NREP: variants seen among roughly 807,000 people sequenced by gnomAD.
NREP encodes neuronal regeneration-related protein.
In NREP, 5 loss-of-function variants were observed where a neutral mutation model predicts 8.6. The ratio of observed to expected loss-of-function variants is 0.58; its 90% CI spans 0.30 to 1.22. NREP has a LOEUF of 1.22. Ranked by LOEUF, NREP falls within the 50% of genes most tolerant of loss-of-function variation. NREP has a pLI of 0.07. For synonymous variants in NREP, 27 were observed against 28.0 expected (o/e 0.96, Z 0.11); for missense variants, 86 against 82.5 (o/e 1.04, Z -0.17).
upstream of NREP, among the ~76,000 whole-genome samples, chr5:111,761,584 G>A (rs893445148): frequency 6.6e-6 from 1 of 152,126 alleles, no homozygotes; most frequent in Admixed American, 6.5e-5. Context: ...TTATTTTTCT[G>A]TCTTCACCAC....
At chr5:111,757,797 G>C (rs1224691774), upstream of NREP, 7 of 970,206 alleles carry the variant, frequency 7.2e-6, no homozygotes, top group Non-Finnish European at 8.6e-6. Context: ...TCTCCGCCTC[G>C]ACGTGCGGTT....
At chr5:111,930,672 C>T (rs1755512715) in intron 2 of NREP, among the ~76,000 whole-genome samples, 1 of 152,146 alleles carries the variant, frequency 6.6e-6, no homozygotes, top group African/African-American at 2.4e-5. Context: ...AGCTATTTCC[C>T]TCTCTCCTTG....
chr5:111,795,723 C>T (rs1399348427), intron 2 of NREP, among the ~76,000 whole-genome samples: 1 of 152,004 alleles, frequency 6.6e-6, no homozygotes, highest in African/African-American at 2.4e-5. Context: ...GCTAATCTTT[C>T]TAGGGTTAAA....
rs529475135 is a variant in NREP, at chr5:111,843,138, C to T, written c.136-107631G>A. Among the ~76,000 whole-genome samples the T allele has an allele frequency of 8.5e-4, 129 of 152,136 alleles. 1 individual carries two copies. The highest frequency in any genetic ancestry group is 3.1e-3 in the African/African-American group (128 of 41,534). On this transcript the variant is annotated intron_variant, in intron 2 of 3. Coordinates refer to the NREP transcript ENST00000395634. ...ATTTCTTTAAAATGACTTTCTTCCC[C>T]TTTATTTCTCTCTGCTCCTTTTAGG... is the stretch of plus-strand genomic sequence containing the variant.
At chr5:111,836,258 A>G (rs1752891058) in intron 2 of NREP, among the ~76,000 whole-genome samples, 2 of 152,106 alleles carry the variant, frequency 1.3e-5, no homozygotes, top group Admixed American at 1.3e-4. Context: ...CCCTCAAAAC[A>G]GGCAAAGATG....
chr5:111,878,269 A>T (rs1337574918), intron 2 of NREP, among the ~76,000 whole-genome samples: 1 of 152,216 alleles, frequency 6.6e-6, no homozygotes, highest in Non-Finnish European at 1.5e-5. Flanking sequence ...TGGGTAATTT[A>T]TGAAGAACAG....
chr5:111,972,484 T>G (rs1016192259), intron 2 of NREP, among the ~76,000 whole-genome samples: 1 of 152,224 alleles, frequency 6.6e-6, no homozygotes, highest in Non-Finnish European at 1.5e-5. Context: ...TTAATTGCAA[T>G]GTCCATTCAT....
chr5:111,836,072 C>G (rs1343899997), intron 2 of NREP, among the ~76,000 whole-genome samples: 1 of 152,078 alleles, frequency 6.6e-6, no homozygotes, highest in Non-Finnish European at 1.5e-5. Flanking sequence ...AGTCCTTCCT[C>G]CCTTCGTTCA....
At chr5:111,789,979 G>T (rs961064115) in intron 2 of NREP, among the ~76,000 whole-genome samples, 2 of 151,766 alleles carry the variant, frequency 1.3e-5, no homozygotes, top group African/African-American at 2.4e-5. Flanking sequence ...AAAATTGAAA[G>T]GCAAATTGCA....
At chr5:111,901,097 G>C (rs1483120171) in intron 2 of NREP, among the ~76,000 whole-genome samples, 1 of 152,052 alleles carries the variant, frequency 6.6e-6, no homozygotes, top group Admixed American at 6.6e-5. Context: ...TGCAAGAATG[G>C]TTCAACATGT....
At chr5:111,872,426 A>T (rs1753811958) in intron 2 of NREP, among the ~76,000 whole-genome samples, 1 of 152,180 alleles carries the variant, frequency 6.6e-6, no homozygotes, top group Non-Finnish European at 1.5e-5. Flanking sequence ...ACCCTCATGG[A>T]AACACCTATA....
At chr5:111,809,719 G>C (rs946868928) in intron 2 of NREP, among the ~76,000 whole-genome samples, 2 of 152,150 alleles carry the variant, frequency 1.3e-5, no homozygotes, top group Non-Finnish European at 2.9e-5. Context: ...CTAGCCTGCA[G>C]AACCATGAAC....
At chr5:111,854,617 G>C (rs1753384978) in intron 2 of NREP, among the ~76,000 whole-genome samples, 1 of 152,160 alleles carries the variant, frequency 6.6e-6, no homozygotes, top group Non-Finnish European at 1.5e-5. Context: ...TGGTTTTCCA[G>C]AGCTGAAATC....
At chr5:111,808,975 CTTCTT>C (rs1346276641) in intron 2 of NREP, among the ~76,000 whole-genome samples, 1 of 152,202 alleles carries the variant, frequency 6.6e-6, no homozygotes, top group African/African-American at 2.4e-5. Flanking sequence ...AAATGACCTT[CTTCTT>C]TTCAAGTTCT....
intron 2 of NREP, among the ~76,000 whole-genome samples, chr5:111,900,215 T>C (rs1316736383): frequency 6.6e-6 from 1 of 151,792 alleles, no homozygotes; most frequent in Non-Finnish European, 1.5e-5. Context: ...AAAGAGGAAA[T>C]TTAAAAATAT....
chr5:111,884,454 A>G (rs1270637407), intron 2 of NREP, among the ~76,000 whole-genome samples: 1 of 152,076 alleles, frequency 6.6e-6, no homozygotes, highest in Non-Finnish European at 1.5e-5. Context: ...AAAAGAGGGA[A>G]TCCTCCCTAA....
chr5:111,964,890 A>AAAAAAAAAAAAAAAAAAAAAT (rs1561372291), intron 2 of NREP, among the ~76,000 whole-genome samples: 1 of 135,848 alleles, frequency 7.4e-6, no homozygotes. Context: ...AAAAAAAAAA[A>AAAAAAAAAAAAAAAAAAAAAT]AAAAAGAAAC....
intron 2 of NREP, among the ~76,000 whole-genome samples, chr5:111,933,439 T>A (rs538540755): frequency 5.9e-5 from 9 of 152,198 alleles, no homozygotes; most frequent in African/African-American, 2.2e-4. Flanking sequence ...TTTTAGAAGA[T>A]GGGATTCTAA....
chr5:111,935,842 G>A (rs1400934588), intron 2 of NREP, among the ~76,000 whole-genome samples: 2 of 152,038 alleles, frequency 1.3e-5, no homozygotes, highest in East Asian at 3.9e-4. Context: ...TTCTAGGGCT[G>A]CCATCACAAA....
Sources: allele counts gnomAD v4.1 joint callset (sites outside exome capture counted in the v4.1 genomes callset), GRCh38; gene constraint gnomAD v4.1.1; transcripts MANE v1.5; gene names NCBI Gene and HGNC (gene_info 2026-07-23, HGNC 2026-07-21).